Variants in TENM2 observed in about 807,000 individuals in gnomAD.
TENM2 encodes the protein teneurin-2.
TENM2 carries 52 observed loss-of-function variants against 245.2 expected under a neutral mutation model. That is an observed-to-expected ratio of 0.21 (90% CI 0.17 to 0.27). TENM2 has a LOEUF of 0.27. TENM2 is among the 10% of genes least tolerant of loss of function. TENM2 has a pLI of 1.00. For missense variants in TENM2, 3,046 were observed against 3,666.8 expected (o/e 0.83, Z 4.37); for synonymous variants, 1,363 against 1,438.9 (o/e 0.95, Z 1.19).
chr5:167,650,578 G>C (rs1754389587), intron 2 of TENM2, among the ~76,000 whole-genome samples: 1 of 152,020 alleles, frequency 6.6e-6, no homozygotes, highest in Non-Finnish European at 1.5e-5. Context: ...CATTTCTTTG[G>C]CAACATGAAG....
intron 2 of TENM2, among the ~76,000 whole-genome samples, chr5:167,538,834 T>C (rs1039743784): frequency 1.3e-5 from 2 of 152,198 alleles, no homozygotes; most frequent in African/African-American, 4.8e-5. Flanking sequence ...TGCCTAATTT[T>C]ACACTGGAAG....
chr5:167,363,730 C>CAAAAAAAAAAAAAAAAAAAAGAAA (rs10659741), intron 1 of TENM2, among the ~76,000 whole-genome samples: 1 of 89,344 alleles, frequency 1.1e-5, no homozygotes, highest in Non-Finnish European at 2.1e-5. Context: ...GACTCCATCT[C>CAAAAAAAAAAAAAAAAAAAAGAAA]AAAAAAAAAA....
At chr5:167,296,297 T>G (rs528187832) in intron 1 of TENM2, 1 of 152,358 alleles carries the variant, frequency 6.6e-6, no homozygotes, top group African/African-American at 2.4e-5. Context: ...AAAAATAGTC[T>G]GAAGCACTTT....
chr5:167,159,798 A>G, the TENM2 span, among the ~76,000 whole-genome samples: 4 of 152,174 alleles, frequency 2.6e-5, no homozygotes, highest in African/African-American at 9.7e-5. Context: ...AGCATTGCCA[A>G]TGATGGAATA....
intron 2 of TENM2, among the ~76,000 whole-genome samples, chr5:167,857,617 C>G (rs1260323341): frequency 1.3e-5 from 2 of 152,088 alleles, no homozygotes; most frequent in Non-Finnish European, 2.9e-5. Context: ...CCCTTGTTTC[C>G]TGGGACATGT....
chr5:167,945,575 G>A (rs374050630), intron 3 of TENM2, among the ~76,000 whole-genome samples: 67 of 152,262 alleles, frequency 4.4e-4, no homozygotes, highest in African/African-American at 1.5e-3. Context: ...AGTCCTTTAC[G>A]AACGTAGGCA....
intron 1 of TENM2, among the ~76,000 whole-genome samples, chr5:167,370,658 C>T (rs1760362180): frequency 6.6e-6 from 1 of 152,232 alleles, no homozygotes; most frequent in Non-Finnish European, 1.5e-5. Flanking sequence ...AGCCATAGAG[C>T]ACATACCTGA....
chr5:168,084,365 A>G (rs1792264244), intron 7 of TENM2, among the ~76,000 whole-genome samples: 1 of 152,244 alleles, frequency 6.6e-6, no homozygotes, highest in South Asian at 2.1e-4. Context: ...ATTAATTCAC[A>G]TTCCCATCAA....
At chr5:167,609,530 G>A (rs1457866439) in intron 2 of TENM2, among the ~76,000 whole-genome samples, 1 of 123,562 alleles carries the variant, frequency 8.1e-6, no homozygotes, top group Admixed American at 8.4e-5. Context: ...TTACCTAGAA[G>A]GTTTTTTAGA....
At chr5:167,506,716 T>C (rs1296767591) in intron 2 of TENM2, among the ~76,000 whole-genome samples, 7 of 152,162 alleles carry the variant, frequency 4.6e-5, no homozygotes, top group Non-Finnish European at 8.8e-5. Flanking sequence ...TCTTTAAAAC[T>C]CTCAGTTTAA....
chr5:167,282,775 A>C (rs1482691279), upstream of TENM2, among the ~76,000 whole-genome samples: 1 of 152,158 alleles, frequency 6.6e-6, no homozygotes, highest in African/African-American at 2.4e-5. Flanking sequence ...TTGAAACTGC[A>C]TGTTAGAAGT....
the TENM2 span, among the ~76,000 whole-genome samples, chr5:167,095,063 G>A: frequency 6.6e-6 from 1 of 152,108 alleles, no homozygotes; most frequent in Non-Finnish European, 1.5e-5. Flanking sequence ...TCACAGAACT[G>A]TTTATAGAGC....
chr5:167,663,224 C>G (rs1334485571), intron 2 of TENM2, among the ~76,000 whole-genome samples: 1 of 144,492 alleles, frequency 6.9e-6, no homozygotes, highest in African/African-American at 2.6e-5. Flanking sequence ...CTCCTCAGAC[C>G]ATCTAAATTA....
At chr5:167,244,123 A>G in the TENM2 span, among the ~76,000 whole-genome samples, 1 of 152,158 alleles carries the variant, frequency 6.6e-6, no homozygotes, top group Non-Finnish European at 1.5e-5. Flanking sequence ...AGTCAAGTGT[A>G]CCTTGTTTAG....
the TENM2 span, among the ~76,000 whole-genome samples, chr5:167,119,292 A>G: frequency 4.5e-4 from 68 of 152,332 alleles, no homozygotes; most frequent in Admixed American, 1.0e-3. Flanking sequence ...AGCACTTTCT[A>G]CGTGGTGGTG....
At chr5:167,172,024 C>A in the TENM2 span, among the ~76,000 whole-genome samples, 1 of 152,136 alleles carries the variant, frequency 6.6e-6, no homozygotes, top group Non-Finnish European at 1.5e-5. Context: ...TTCTTGCCTC[C>A]CTTTTGATAG....
chr5:167,866,786 T>C (rs1772361462), intron 2 of TENM2, among the ~76,000 whole-genome samples: 1 of 152,172 alleles, frequency 6.6e-6, no homozygotes, highest in Admixed American at 6.5e-5. Context: ...AGGAAACCAG[T>C]AAAGGGAAAG....
At chr5:167,727,952 T>C (rs2150545103) in intron 2 of TENM2, among the ~76,000 whole-genome samples, 1 of 152,300 alleles carries the variant, frequency 6.6e-6, no homozygotes, top group South Asian at 2.1e-4. Flanking sequence ...CATTGGGAAC[T>C]TGCTGTGAGA....
chr5:168,261,219 A>G (rs1768160729), intron 28 of TENM2, among the ~76,000 whole-genome samples: 1 of 152,220 alleles, frequency 6.6e-6, no homozygotes, highest in South Asian at 2.1e-4. Flanking sequence ...CTGTCCCCCA[A>G]CCACCAATTG....
Sources: gnomAD v4.1 joint callset for allele counts (sites outside exome capture counted in the v4.1 genomes callset) on GRCh38, gnomAD v4.1.1 for gene constraint, MANE v1.5 for transcripts, NCBI Gene and HGNC (gene_info 2026-07-23, HGNC 2026-07-21) for gene names.